MEGF10: variants seen among roughly 807,000 people sequenced by gnomAD.
MEGF10 encodes multiple EGF like domains 10.
MEGF10 carries 86 observed loss-of-function variants against 147.5 expected under a neutral mutation model. That is an observed-to-expected ratio of 0.58 (90% confidence interval 0.49 to 0.70). The LOEUF (loss-of-function observed/expected upper bound fraction) is 0.70. MEGF10 is among the 30% of genes least tolerant of loss of function. The pLI, the probability that MEGF10 is intolerant of heterozygous loss-of-function variation, is 0.00. For missense variants in MEGF10, 1,329 were observed against 1,487.3 expected, an observed-to-expected ratio of 0.89 and a Z score of 1.75; for synonymous variants, 478 against 525.5, an observed-to-expected ratio of 0.91 and a Z score of 1.24.
At chr5:127,247,334 AG>A in the MEGF10 span, among the ~76,000 whole-genome samples, 1 of 2,592 alleles carries the variant, frequency 3.9e-4, no homozygotes, top group Non-Finnish European at 8.8e-4. Context: ...AAGAAGAAGA[AG>A]AAGAAGAAGA....
intron 5 of MEGF10, among the ~76,000 whole-genome samples, chr5:127,380,075 T>TTC (rs1763193193): frequency 1.3e-5 from 2 of 151,534 alleles, no homozygotes; most frequent in African/African-American, 2.4e-5. Flanking sequence ...TTGTTTTTTT[T>TTC]TTTTCTTGTC....
At chr5:127,299,732 T>C (rs1759685355) in intron 1 of MEGF10, among the ~76,000 whole-genome samples, 1 of 134,540 alleles carries the variant, frequency 7.4e-6, no homozygotes. Context: ...GGCTTTTCTT[T>C]TCTTTCCTTT....
intron 1 of MEGF10, among the ~76,000 whole-genome samples, chr5:127,300,540 G>C (rs1759721840): frequency 6.6e-6 from 1 of 152,138 alleles, no homozygotes; most frequent in African/African-American, 2.4e-5. Flanking sequence ...AGCACTGGTT[G>C]TTATGGGTAT....
rs1025811300 is a variant in MEGF10, at chr5:127,434,096, T to A, written c.1840+587T>A. Among the ~76,000 whole-genome samples the A allele has an allele frequency of 5.9e-5, 9 of 152,268 alleles. No homozygotes were observed. In the East Asian group the frequency reaches 1.7e-3, roughly 29 times the overall value. On this transcript the variant is annotated intron_variant, in intron 14 of 24. Coordinates refer to ENST00000503335, the MANE Select transcript of MEGF10 (RefSeq NM_001256545.2). ...TATAAGTTATACTATTCTAATTTTT[T>A]AAATTGCCTTTCCCCCCATAAGAAT...
At chr5:127,420,000 G>A (rs1019787244) in intron 11 of MEGF10, 44 bp from the exon 12 acceptor site, 1 of 1,601,776 alleles carries the variant, frequency 6.2e-7, no homozygotes, top group Non-Finnish European at 8.5e-7. Flanking sequence ...AAGGCTCTCT[G>A]CTGCCTTTGT....
chr5:127,358,329 C>G (rs974496940), intron 4 of MEGF10, among the ~76,000 whole-genome samples: 1 of 152,164 alleles, frequency 6.6e-6, no homozygotes, highest in Admixed American at 6.5e-5. Context: ...AAGTGGTACT[C>G]TAATTATGAC....
At position 127,342,660 on chromosome 5, in the gene MEGF10, G is replaced by C. The variant is rs577379157; in HGVS notation, c.319+2030G>C. Among the ~76,000 whole-genome samples, 3 of 152,098 alleles carry C rather than the reference G, an allele frequency of 2.0e-5. No individual in the cohort carries two copies. The East Asian group carries it at 5.8e-4, about 29-fold the overall frequency. On this transcript the variant is annotated intron_variant, in intron 4 of 24. Transcript: ENST00000503335. Reference sequence around the variant, plus strand: ...AGTGCAGCCCTTCTTAGAAAGTTAGGCAATTCCACTGGCACTATCACGCCT... The same window carrying C: ...AGTGCAGCCCTTCTTAGAAAGTTAGCCAATTCCACTGGCACTATCACGCCT...
chr5:127,237,743 G>T, the MEGF10 span, among the ~76,000 whole-genome samples: 1 of 151,978 alleles, frequency 6.6e-6, no homozygotes, highest in Non-Finnish European at 1.5e-5. Context: ...CCTGGGCAGG[G>T]TGAGATTTGA....
the MEGF10 span, among the ~76,000 whole-genome samples, chr5:127,234,148 A>G: frequency 6.6e-6 from 1 of 152,182 alleles, no homozygotes; most frequent in African/African-American, 2.4e-5. Flanking sequence ...AATCCTTACC[A>G]TGCTTTTGGG....
intron 5 of MEGF10, among the ~76,000 whole-genome samples, chr5:127,382,174 G>A (rs1490861550): frequency 6.6e-6 from 1 of 152,146 alleles, no homozygotes; most frequent in Non-Finnish European, 1.5e-5. Context: ...TAATGAGTTT[G>A]AACATTTGTG....
intron 8 of MEGF10, among the ~76,000 whole-genome samples, chr5:127,406,301 G>T (rs967120090): frequency 1.1e-4 from 17 of 152,212 alleles, no homozygotes; most frequent in Admixed American, 9.8e-4. Context: ...CAGAGAAAGA[G>T]AAGGGAAGTA....
intron 5 of MEGF10, among the ~76,000 whole-genome samples, chr5:127,394,711 T>G (rs1048277947): frequency 4.6e-5 from 7 of 152,188 alleles, no homozygotes; most frequent in African/African-American, 1.4e-4. Flanking sequence ...ACAACTCATA[T>G]GAATAACAAT....
chr5:127,446,886 G>T (rs958959164), intron 20 of MEGF10, among the ~76,000 whole-genome samples: 1 of 152,184 alleles, frequency 6.6e-6, no homozygotes. Context: ...AAGACCCAAA[G>T]ATAAAAAGCT....
chr5:127,297,451 C>A (rs1019279461), intron 1 of MEGF10, among the ~76,000 whole-genome samples: 10 of 151,084 alleles, frequency 6.6e-5, no homozygotes, highest in Non-Finnish European at 1.5e-4. Context: ...AAAAAAAAAA[C>A]AACAACTGAG....
intron 4 of MEGF10, among the ~76,000 whole-genome samples, chr5:127,357,109 AT>A (rs1762305193): frequency 6.6e-6 from 1 of 152,170 alleles, no homozygotes; most frequent in Non-Finnish European, 1.5e-5. Context: ...AAGGACAATT[AT>A]ATTATCTGTT....
the MEGF10 span, among the ~76,000 whole-genome samples, chr5:127,261,721 T>C: frequency 6.6e-6 from 1 of 152,202 alleles, no homozygotes; most frequent in Non-Finnish European, 1.5e-5. Flanking sequence ...CCACCAGCAA[T>C]ATATGAAGGT....
At chr5:127,297,579 T>C (rs931108845) in intron 1 of MEGF10, among the ~76,000 whole-genome samples, 1 of 152,102 alleles carries the variant, frequency 6.6e-6, no homozygotes, top group Non-Finnish European at 1.5e-5. Flanking sequence ...GGATGGGGCA[T>C]CTTAGGTGGG....
the MEGF10 span, among the ~76,000 whole-genome samples, chr5:127,280,289 G>A: frequency 6.6e-6 from 1 of 152,162 alleles, no homozygotes; most frequent in African/African-American, 2.4e-5. Flanking sequence ...TGATTCAGAT[G>A]TGCCTTCTCT....
the MEGF10 span, among the ~76,000 whole-genome samples, chr5:127,230,557 TGAAA>T: frequency 0.46 from 70,322 of 151,348 alleles, 16,841 homozygotes; most frequent in Middle Eastern, 0.6. Context: ...GTGAGATGAA[TGAAA>T]GAAAGAAAAT....
Sources: gnomAD v4.1 joint callset for allele counts (sites outside exome capture counted in the v4.1 genomes callset) on GRCh38, gnomAD v4.1.1 for gene constraint, MANE v1.5 for transcripts, NCBI Gene and HGNC (gene_info 2026-07-23, HGNC 2026-07-21) for gene names.